The following NSUN3 variants were observed in gnomAD, a reference collection of about 807,000 sequenced individuals.
NSUN3 encodes the protein tRNA (cytosine(34)-C(5))-methyltransferase, mitochondrial.
A neutral mutation model predicts 36.8 loss-of-function variants in NSUN3; 24 were observed. The observed-to-expected ratio is 0.65, with a 90% CI of 0.47 to 0.92. NSUN3 has a LOEUF of 0.92. Among genes scored for constraint, NSUN3 ranks in the 40% least tolerant of loss-of-function variants. The pLI, the probability that NSUN3 is intolerant of heterozygous loss-of-function variation, is 0.00. For missense variants in NSUN3, 381 were observed against 392.8 expected (o/e 0.97, Z 0.25); for synonymous variants, 146 against 145.2 (o/e 1.01, Z -0.04).
chr3:94,075,965 T>G (rs978889351), intron 2 of NSUN3: 5 of 1,558,668 alleles, frequency 3.2e-6, no homozygotes, highest in Non-Finnish European at 4.4e-6. Context: ...ATTATAAATG[T>G]TCTCTGCCAT....
rs149909321 is a variant in NSUN3 at position 94,086,761 on chromosome 3, C to G, written c.466+2311C>G. Among the ~76,000 whole-genome samples, 943 of 152,222 alleles carry G rather than the reference C, an allele frequency of 6.2e-3. 13 individuals carry two copies. The highest frequency in any genetic ancestry group is 0.022 in the African/African-American group (909 of 41,538). On this transcript the variant is annotated intron_variant, in intron 3 of 5. Coordinates refer to ENST00000314622, the MANE Select transcript of NSUN3 (RefSeq NM_022072.5). Reference sequence around the variant, plus strand: ...AAAATGTTATTTTACAAGTTTACCTCGTTATTTTTATAATTTGAGCTGAAG... The same window carrying G: ...AAAATGTTATTTTACAAGTTTACCTGGTTATTTTTATAATTTGAGCTGAAG...
chr3:94,124,417 G>A lies in NSUN3; in HGVS notation c.744-1794G>A, dbSNP rs560215688. On this transcript the variant is annotated intron_variant, in intron 5 of 5. Transcript: ENST00000314622. ...GCTAGGATTACAGGCGTGAGCCACCGCACCTGCCTAGAAGTTTATTTAATC... is the reference window on the plus strand; with the variant it reads ...GCTAGGATTACAGGCGTGAGCCACCACACCTGCCTAGAAGTTTATTTAATC... Among the ~76,000 whole-genome samples the A allele has an allele frequency of 2.9e-4, 44 of 152,156 alleles. No homozygotes were observed. The South Asian group carries it at 6.6e-3, about 23-fold the overall frequency.
intron 5 of NSUN3, among the ~76,000 whole-genome samples, chr3:94,116,984 ACT>A (rs2077442388): frequency 7.8e-6 from 1 of 128,438 alleles, no homozygotes; most frequent in Non-Finnish European, 1.6e-5. Flanking sequence ...ATCTGCCACA[ACT>A]TTTTTTTTTT....
At chr3:94,120,584 G>A (rs2077457360) in intron 5 of NSUN3, among the ~76,000 whole-genome samples, 1 of 152,132 alleles carries the variant, frequency 6.6e-6, no homozygotes, top group African/African-American at 2.4e-5. Context: ...CCATGTTATA[G>A]CATCTGTCAG....
intron 2 of NSUN3, among the ~76,000 whole-genome samples, chr3:94,075,730 G>GC (rs573466450): frequency 0.051 from 7,229 of 141,910 alleles, 198 homozygotes; most frequent in Admixed American, 0.095. Context: ...GCTGAATCAA[G>GC]CCCCCCCCCC....
In NSUN3 at chr3:94,064,544, A is replaced by G. The variant is rs925794564; in HGVS notation, c.120A>G (p.Val40=). The change falls in exon 2 of 6, where the codon GTA becomes GTG. Residue 40 remains valine, a splice_region_variant and synonymous_variant. Transcript: ENST00000314622. ...SKELGDAWNT[V]REILTSPSCW... ...AACTCGGAGATGCCTGGAATACAGT[A>G]AGGTTAGTATAATTCATCTCGATGC... 3 of 1,551,344 alleles carry G rather than the reference A, an allele frequency of 1.9e-6. No homozygotes were observed. The highest frequency in any genetic ancestry group is 1.7e-5 in the Admixed American group (1 of 59,938).
At chr3:94,068,013 T>A (rs914544195) in intron 2 of NSUN3, among the ~76,000 whole-genome samples, 11 of 152,260 alleles carry the variant, frequency 7.2e-5, no homozygotes, top group African/African-American at 2.4e-4. Context: ...GCTATGCTGT[T>A]CTTCTGCTAG....
intron 5 of NSUN3, among the ~76,000 whole-genome samples, chr3:94,114,854 A>C (rs1024194781): frequency 6.6e-6 from 1 of 152,194 alleles, no homozygotes; most frequent in Non-Finnish European, 1.5e-5. Flanking sequence ...ATAATTGAGA[A>C]CATGTGATAC....
intron 5 of NSUN3, among the ~76,000 whole-genome samples, chr3:94,108,618 C>G (rs1490982572): frequency 2.0e-5 from 3 of 152,146 alleles, no homozygotes; most frequent in Non-Finnish European, 2.9e-5. Flanking sequence ...CTCAGCTTCC[C>G]AAAGTGCTGG....
In NSUN3 at chr3:94,129,742, CTTTTTTT is replaced by C. The variant is rs754390863; in HGVS notation, c.*3271_*3277del. ...TCTATAAATTGTTTATATATGTTGT[CTTTTTTT>C]TTTTTTTTTTTTTTTTTTGAGACAG... On this transcript the variant is annotated 3_prime_UTR_variant, in exon 6 of 6. Coordinates refer to ENST00000314622, the MANE Select transcript of NSUN3 (RefSeq NM_022072.5). Among the ~76,000 whole-genome samples the C allele has an allele frequency of 2.2e-5, 2 of 89,926 alleles. No homozygotes were observed. Among genetic ancestry groups the C allele is most frequent in the Admixed American group, 1.4e-4 (1 of 7,242 alleles). The allele number at this position is 89,926 out of a possible 152,430, so 59.0% of individuals were successfully genotyped here. A position where few individuals can be genotyped will look rare whatever the true frequency, so the allele number is the denominator to read the frequency against.
intron 5 of NSUN3, among the ~76,000 whole-genome samples, chr3:94,112,223 C>T (rs1344581749): frequency 6.6e-6 from 1 of 152,218 alleles, no homozygotes; most frequent in Non-Finnish European, 1.5e-5. Context: ...CCCTCACAGA[C>T]ACACCCAGAA....
intron 5 of NSUN3, among the ~76,000 whole-genome samples, chr3:94,106,772 A>C (rs759000746): frequency 2.0e-5 from 3 of 152,176 alleles, no homozygotes; most frequent in Non-Finnish European, 4.4e-5. Context: ...GGAAAAATGA[A>C]AGAAATGGGA....
At chr3:94,090,148 C>G (rs2077308334) in intron 3 of NSUN3, among the ~76,000 whole-genome samples, 1 of 151,894 alleles carries the variant, frequency 6.6e-6, no homozygotes, top group African/African-American at 2.4e-5. Flanking sequence ...TTGCCATGTA[C>G]AAATGCTAAA....
At chr3:94,083,085 G>A (rs1414521136) in intron 2 of NSUN3, among the ~76,000 whole-genome samples, 5 of 151,036 alleles carry the variant, frequency 3.3e-5, no homozygotes, top group African/African-American at 7.3e-5. Flanking sequence ...CAGACTTAGA[G>A]GTATTTAAAG....
intron 5 of NSUN3, among the ~76,000 whole-genome samples, chr3:94,118,695 A>T (rs556287833): frequency 4.8e-5 from 7 of 145,856 alleles, no homozygotes; most frequent in East Asian, 2.1e-4. Context: ...CCTCTTATTT[A>T]AAAAAAAAAA....
In NSUN3 at chr3:94,110,804, A is replaced by C. The variant is rs146665634; in HGVS notation, c.744-15407A>C. Among the ~76,000 whole-genome samples the C allele has an allele frequency of 3.3e-5, 5 of 151,792 alleles. No homozygotes were observed. The East Asian group carries it at 9.8e-4, about 30-fold the overall frequency. On this transcript the variant is annotated intron_variant, in intron 5 of 5. Transcript: ENST00000314622. ...TACACACACATATATATGTATGCAC[A>C]TATATACATATATGTGTGTGTGTGT...
In NSUN3 at chr3:94,128,399, A is replaced by G. The variant is rs1224549318; in HGVS notation, c.*1909A>G. The G allele has an allele frequency of 2.0e-5, 3 of 151,856 alleles. No individual in the cohort carries two copies. Among genetic ancestry groups the G allele is most frequent in the East Asian group, 3.9e-4 (2 of 5,178 alleles). 9.4% of individuals were successfully genotyped at this position (151,856 alleles called of 1,614,324 possible). A position where few individuals can be genotyped will look rare whatever the true frequency, so the allele number is the denominator to read the frequency against. ...TCTTCAGACACTATAGGTTTTAAAA[A>G]TAGGTTTCTTTTATGTAGGTTAATC... On this transcript the variant is annotated 3_prime_UTR_variant, in exon 6 of 6. Transcript: ENST00000314622.
chr3:94,113,429 G>T (rs2077426494), intron 5 of NSUN3, among the ~76,000 whole-genome samples: 3 of 152,170 alleles, frequency 2.0e-5, no homozygotes, highest in African/African-American at 7.2e-5. Context: ...AAGATTGAAT[G>T]AGGTAACATA....
intron 3 of NSUN3, 77 bp downstream of exon 3, chr3:94,084,527 G>A (rs2077284518): frequency 4.4e-6 from 5 of 1,125,724 alleles, no homozygotes; most frequent in Non-Finnish European, 5.0e-6. Flanking sequence ...GTATATATGG[G>A]GAGAAACGTA....
Sources: allele counts gnomAD v4.1 joint callset (sites outside exome capture counted in the v4.1 genomes callset), GRCh38; gene constraint gnomAD v4.1.1; transcripts MANE v1.5; gene names NCBI Gene and HGNC (gene_info 2026-07-23, HGNC 2026-07-21).